The following WDR7 variants were observed in gnomAD, a reference collection of about 807,000 sequenced individuals.
WDR7 encodes WD repeat-containing protein 7.
A neutral mutation model predicts 169.4 loss-of-function variants in WDR7; 46 were observed. The observed-to-expected ratio is 0.27, with a 90% CI of 0.21 to 0.35. The LOEUF (loss-of-function observed/expected upper bound fraction) is 0.35, where lower values mean the gene tolerates loss of function less well. WDR7 is among the 10% of genes least tolerant of loss of function. The pLI is 1.00. For missense variants in WDR7, 1,534 were observed against 1,859.3 expected (o/e 0.83, Z 3.22); for synonymous variants, 612 against 666.8 (o/e 0.92, Z 1.27).
At chr18:57,034,726 G>A (rs2048457350), downstream of WDR7, 1 of 152,232 alleles carries the variant, frequency 6.6e-6, no homozygotes, top group Non-Finnish European at 1.5e-5. Flanking sequence ...CTGTTGTGGA[G>A]TGCTCTGGAA....
chr18:56,672,737 A>G (rs2025163926), intron 2 of WDR7, 63 bp downstream of exon 2: 4 of 1,427,012 alleles, frequency 2.8e-6, no homozygotes, highest in Non-Finnish European at 2.8e-6. Context: ...AGAAGATAAT[A>G]TAGTCCCCAA....
At chr18:57,025,696 A>C (rs572638755) in intron 27 of WDR7, among the ~76,000 whole-genome samples, 1 of 152,328 alleles carries the variant, frequency 6.6e-6, no homozygotes, top group East Asian at 1.9e-4. Flanking sequence ...AGATGATTTA[A>C]ATTGTGAAAA....
chr18:57,001,766 A>G (rs1259945581), intron 26 of WDR7, among the ~76,000 whole-genome samples: 3 of 152,238 alleles, frequency 2.0e-5, no homozygotes, highest in South Asian at 2.1e-4. Context: ...TAAGAATTTT[A>G]TATAAATGGA....
chr18:56,930,910 A>G (rs903525191), intron 22 of WDR7, among the ~76,000 whole-genome samples: 2 of 152,188 alleles, frequency 1.3e-5, no homozygotes, highest in African/African-American at 4.8e-5. Context: ...ATGACATTTA[A>G]CCAAAGTGTT....
rs1364555370 is a variant in WDR7 at position 56,782,918 on chromosome 18, G to T, written c.3190+1262G>T. Among the ~76,000 whole-genome samples the T allele has an allele frequency of 2.0e-5, 3 of 152,036 alleles. No individual in the cohort carries two copies. The East Asian group carries it at 5.8e-4, about 29-fold the overall frequency. ...GACTTTATAGGGTTATTATGTGTGT[G>T]GCATGAGTTAATCTTTGTTAAGTGC... On this transcript the variant is annotated intron_variant, in intron 19 of 27. Coordinates refer to ENST00000254442, the MANE Select transcript of WDR7 (RefSeq NM_015285.3).
intron 21 of WDR7, among the ~76,000 whole-genome samples, chr18:56,911,830 T>C (rs1186037086): frequency 2.6e-5 from 4 of 152,268 alleles, no homozygotes; most frequent in African/African-American, 9.6e-5. Context: ...GAAGTTATAA[T>C]GAAATACTTC....
At chr18:56,914,266 G>T (rs181478034) in intron 21 of WDR7, among the ~76,000 whole-genome samples, 30 of 152,286 alleles carry the variant, frequency 2.0e-4, no homozygotes, top group Non-Finnish European at 3.7e-4. Context: ...ACCTTCTGCA[G>T]AGTCCTTCCC....
At chr18:56,848,130 C>T (rs1184467093) in intron 20 of WDR7, among the ~76,000 whole-genome samples, 3 of 152,204 alleles carry the variant, frequency 2.0e-5, no homozygotes, top group Admixed American at 6.5e-5. Context: ...CCTTGCAAAA[C>T]CACTAGGATG....
At chr18:56,739,646 T>C (rs772988339) in intron 14 of WDR7, among the ~76,000 whole-genome samples, 17 of 152,164 alleles carry the variant, frequency 1.1e-4, no homozygotes, top group Non-Finnish European at 2.1e-4. Flanking sequence ...AGTTTTTGAT[T>C]GTCTGAAAAT....
chr18:56,885,020 T>A (rs1390754627), intron 21 of WDR7, among the ~76,000 whole-genome samples: 1 of 152,024 alleles, frequency 6.6e-6, no homozygotes, highest in Non-Finnish European at 1.5e-5. Context: ...CTGCTGGCTG[T>A]CTAGACCCAG....
intron 20 of WDR7, chr18:56,873,972 A>T (rs1222780412): frequency 6.6e-6 from 1 of 152,210 alleles, no homozygotes; most frequent in South Asian, 2.1e-4. Flanking sequence ...TGACAGAACA[A>T]TCAGTGCAAC....
intron 1 of WDR7, among the ~76,000 whole-genome samples, chr18:56,655,366 C>T (rs543096890): frequency 2.2e-4 from 34 of 152,156 alleles, no homozygotes; most frequent in East Asian, 5.8e-4. Flanking sequence ...TGACCATGCC[C>T]GTAGTCCCAG....
intron 4 of WDR7, 25 bp from the exon 5 acceptor site, chr18:56,682,654 T>C (rs750823416): frequency 4.9e-5 from 78 of 1,601,318 alleles, no homozygotes; most frequent in Non-Finnish European, 6.4e-5. Flanking sequence ...CTCAGAAATC[T>C]TTTTTCCTTT....
chr18:56,900,266 A>T (rs2046385215), intron 21 of WDR7, among the ~76,000 whole-genome samples: 1 of 152,026 alleles, frequency 6.6e-6, no homozygotes, highest in South Asian at 2.1e-4. Context: ...AAGAAAAGAG[A>T]AGGTAGAATT....
intron 14 of WDR7, among the ~76,000 whole-genome samples, chr18:56,749,807 A>G (rs1343189283): frequency 6.6e-6 from 1 of 152,000 alleles, no homozygotes; most frequent in Non-Finnish European, 1.5e-5. Context: ...AATGAAATAC[A>G]CTGAAAATAT....
chr18:56,840,776 A>G (rs765350914), intron 20 of WDR7, among the ~76,000 whole-genome samples: 19 of 152,108 alleles, frequency 1.2e-4, no homozygotes, highest in Middle Eastern at 3.2e-3. Context: ...CTGTGATTGC[A>G]TCACTGTACT....
intron 19 of WDR7, among the ~76,000 whole-genome samples, chr18:56,792,945 A>G (rs2044517742): frequency 6.6e-6 from 1 of 152,164 alleles, no homozygotes; most frequent in Non-Finnish European, 1.5e-5. Flanking sequence ...CTGTATGGCA[A>G]CTTGGGAAAT....
chr18:56,743,783 G>A (rs529737111), intron 14 of WDR7, among the ~76,000 whole-genome samples: 1 of 152,312 alleles, frequency 6.6e-6, no homozygotes, highest in African/African-American at 2.4e-5. Context: ...GTGGGCTGAG[G>A]ATGATGATCA....
chr18:57,020,792 T>C lies in WDR7; in HGVS notation c.4212T>C (p.Pro1404=). ...KGPITAVAFA[P]DGRYLATYSN... ...CAATCACTGCAGTGGCTTTTGCTCC[T>C]GATGGAAGATATCTTGCCACCTACT... is the stretch of plus-strand genomic sequence containing the variant. Residue 1404 remains proline (P), a synonymous_variant, in exon 27 of 28, where the codon CCT becomes CCC. Coordinates refer to ENST00000254442, the MANE Select transcript of WDR7 (RefSeq NM_015285.3). 4 of 1,614,232 alleles carry C rather than the reference T, an allele frequency of 2.5e-6. No individual in the cohort carries two copies. Among genetic ancestry groups the C allele is most frequent in the East Asian group, 2.2e-5 (1 of 44,890 alleles).
Sources: gnomAD v4.1 joint callset for allele counts (sites outside exome capture counted in the v4.1 genomes callset) on GRCh38, gnomAD v4.1.1 for gene constraint, MANE v1.5 for transcripts, NCBI Gene and HGNC (gene_info 2026-07-23, HGNC 2026-07-21) for gene names.